Variants in MDH1B observed in about 807,000 individuals in gnomAD.
MDH1B encodes the protein malate dehydrogenase 1B.
MDH1B carries 60 observed loss-of-function variants against 61.4 expected under a neutral mutation model. The observed-to-expected ratio is 0.98, with a 90% CI of 0.79 to 1.21. The LOEUF is 1.21. Ranked by LOEUF, MDH1B falls within the 50% of genes most tolerant of loss-of-function variation. MDH1B has a pLI of 0.00. For synonymous variants in MDH1B, 236 were observed against 218.7 expected (o/e 1.08, Z -0.70); for missense variants, 587 against 632.1 (o/e 0.93, Z 0.76).
chr2:206,762,994 T>A (rs1689192190), intron 1 of MDH1B, among the ~76,000 whole-genome samples: 1 of 152,096 alleles, frequency 6.6e-6, no homozygotes, highest in Non-Finnish European at 1.5e-5. Flanking sequence ...TTTTGGCCAA[T>A]CTGCTTCATT....
At position 206,755,026 on chromosome 2, in the gene MDH1B, A is replaced by G. The variant is rs1688670875; in HGVS notation, c.893T>C (p.Leu298Pro). ...TCACTCACATGAAGGAGCTGTCTTC[A>G]GTTTTCTGGCCAGTATGGCTTTCGC... is the stretch of plus-strand genomic sequence containing the variant. ...GEAKAILARK[L>P]KTAPSYIKDV... The change falls in exon 5 of 12, where the codon CTG (leucine) becomes CCG (proline). Residue 298 changes from leucine (L) to proline (P), a missense_variant. Physicochemically the swap from Leu to Pro is moderately conservative, Grantham distance 98. Coordinates refer to ENST00000374412, the MANE Select transcript of MDH1B (RefSeq NM_001039845.3). 1 of 1,612,476 alleles carries G rather than the reference A, an allele frequency of 6.2e-7. No individual in the cohort carries two copies. Among genetic ancestry groups the G allele is most frequent in the East Asian group, 2.2e-5 (1 of 44,854 alleles).
At chr2:206,740,992 C>T (rs1687775167) in intron 10 of MDH1B, 62 bp downstream of exon 10, 9 of 1,604,534 alleles carry the variant, frequency 5.6e-6, no homozygotes, top group South Asian at 1.1e-5. Context: ...TCTCTAACAA[C>T]TGGACAATAT....
intron 2 of MDH1B, among the ~76,000 whole-genome samples, chr2:206,758,616 T>A (rs537572056): frequency 6.6e-6 from 1 of 151,798 alleles, no homozygotes; most frequent in East Asian, 2.0e-4. Context: ...AAACACAAAA[T>A]TTAGCCAGGC....
intron 2 of MDH1B, among the ~76,000 whole-genome samples, 192 bp downstream of exon 2, chr2:206,760,709 C>A (rs928029294): frequency 6.6e-6 from 1 of 152,148 alleles, no homozygotes; most frequent in African/African-American, 2.4e-5. Context: ...ATTTGTTCTA[C>A]TAGGTATTAG....
At chr2:206,765,107 T>C in intron 1 of MDH1B, 143 bp downstream of exon 1, 1 of 1,034,324 alleles carries the variant, frequency 9.7e-7, no homozygotes, top group Non-Finnish European at 1.4e-6. Flanking sequence ...TGGCGCACCG[T>C]CACGGTCCAG....
In MDH1B at chr2:206,738,473, A is replaced by G. The variant is rs757759691; in HGVS notation, c.*10T>C. ...ATCAAGTAATTATATATTTCATCCAATTTGATCTGTTAGGATTCCACGGTT... is the reference window on the plus strand; with the variant it reads ...ATCAAGTAATTATATATTTCATCCAGTTTGATCTGTTAGGATTCCACGGTT... On this transcript the variant is annotated 3_prime_UTR_variant, in exon 12 of 12. Transcript: ENST00000374412. The G allele has an allele frequency of 3.8e-6, 6 of 1,568,618 alleles. No homozygotes were observed. Among genetic ancestry groups the G allele is most frequent in the East Asian group, 4.5e-5 (2 of 44,316 alleles).
intron 2 of MDH1B, 39 bp downstream of exon 2, chr2:206,760,862 G>T: frequency 8.9e-7 from 1 of 1,129,558 alleles, no homozygotes; most frequent in Non-Finnish European, 1.3e-6. Flanking sequence ...AACACATTTT[G>T]TGCATGAGTG....
At chr2:206,753,785 G>A (rs1372644717) in intron 5 of MDH1B, among the ~76,000 whole-genome samples, 1 of 151,972 alleles carries the variant, frequency 6.6e-6, no homozygotes, top group African/African-American at 2.4e-5. Context: ...CATGCTTATT[G>A]GATTTGAGTA....
chr2:206,757,016 T>A lies in MDH1B; in HGVS notation c.295A>T (p.Met99Leu). 1 of 1,613,852 alleles carries A rather than the reference T, an allele frequency of 6.2e-7. No individual in the cohort carries two copies. The highest frequency in any genetic ancestry group is 1.1e-5 in the South Asian group (1 of 91,066). Residue 99 changes from methionine (M) to leucine (L), a missense_variant, in exon 4 of 12, where the codon ATG (methionine) becomes TTG (leucine). Physicochemically the swap from Met to Leu is conservative, Grantham distance 15 (BLOSUM62 2). Transcript: ENST00000374412. ...ATTACCATCATCAGTTCAGTCGTCA[T>A]GCTAGAGGTGACATCATAGTAAAGC... ...AQLYYDVTSSMTTELMMVIAQ... is the reference protein window; with the variant it reads ...AQLYYDVTSSLTTELMMVIAQ...
At chr2:206,740,013 A>T (rs76033968) in intron 10 of MDH1B, among the ~76,000 whole-genome samples, 5 of 152,376 alleles carry the variant, frequency 3.3e-5, no homozygotes, top group Admixed American at 1.3e-4. Context: ...AGATGAAGCC[A>T]TAAAAATGGA....
chr2:206,759,810 G>T (rs2105952890), intron 2 of MDH1B, among the ~76,000 whole-genome samples: 1 of 152,272 alleles, frequency 6.6e-6, no homozygotes, highest in Non-Finnish European at 1.5e-5. Context: ...AGTGGGCAGT[G>T]CCAACCAGAC....
At chr2:206,739,727 A>G (rs1462767235) in intron 10 of MDH1B, 66 bp from the exon 11 acceptor site, 13 of 1,409,962 alleles carry the variant, frequency 9.2e-6, no homozygotes, top group Non-Finnish European at 1.2e-5. Flanking sequence ...AGTTATTTCC[A>G]TTTTCTTCTA....
At position 206,739,575 on chromosome 2, in the gene MDH1B, G is replaced by A. The variant is rs200508911; in HGVS notation, c.1528+18C>T. 4 of 1,608,382 alleles carry A rather than the reference G, an allele frequency of 2.5e-6. No individual in the cohort carries two copies. In the East Asian group the frequency reaches 6.7e-5, roughly 27 times the overall value. ...GTAGAATAAGAAAATACTAGTTAAT[G>A]TTTTGTCTACCACCTACCATTTAGG... On this transcript the variant is annotated intron_variant, in intron 11 of 11. Coordinates refer to ENST00000374412, the MANE Select transcript of MDH1B (RefSeq NM_001039845.3).
intron 8 of MDH1B, 136 bp from the exon 9 acceptor site, chr2:206,745,809 C>T (rs1639713454): frequency 3.2e-6 from 2 of 617,728 alleles, no homozygotes; most frequent in Admixed American, 5.6e-5. Flanking sequence ...TCTCAGCTCA[C>T]CACAACCTCT....
intron 2 of MDH1B, among the ~76,000 whole-genome samples, chr2:206,758,943 G>T (rs569893773): frequency 6.6e-6 from 1 of 150,532 alleles, no homozygotes; most frequent in Non-Finnish European, 1.5e-5. Context: ...GTGGCTGTCC[G>T]TTCTAGGCCA....
rs1273460064 is a variant in MDH1B, at chr2:206,737,850, T to C, written c.*633A>G. On this transcript the variant is annotated 3_prime_UTR_variant, in exon 12 of 12. Transcript: ENST00000374412. Reference sequence around the variant, plus strand: ...ATCTAAGCTTTAAAAAAGTGTGATTTATTGTACAGACCTTTATACAAAGCA... The same window carrying C: ...ATCTAAGCTTTAAAAAAGTGTGATTCATTGTACAGACCTTTATACAAAGCA... The C allele has an allele frequency of 6.6e-6, 1 of 152,222 alleles. No homozygotes were observed. Among genetic ancestry groups the C allele is most frequent in the Non-Finnish European group, 1.5e-5 (1 of 68,038 alleles). The allele number at this position is 152,222 out of a possible 1,614,324, so 9.4% of individuals were successfully genotyped here.
intron 9 of MDH1B, among the ~76,000 whole-genome samples, chr2:206,744,949 A>AT (rs1688017817): frequency 3.4e-5 from 5 of 147,284 alleles, no homozygotes; most frequent in South Asian, 2.2e-4. Context: ...TAAATAAATA[A>AT]AATATATATA....
chr2:206,750,668 A>G (rs1403333985), intron 6 of MDH1B, among the ~76,000 whole-genome samples: 1 of 152,124 alleles, frequency 6.6e-6, no homozygotes, highest in Non-Finnish European at 1.5e-5. Flanking sequence ...TCCCTTATAC[A>G]TGCTTGCTTT....
chr2:206,738,047 T>C lies in MDH1B; in HGVS notation c.*436A>G, dbSNP rs1166205904. 1 of 153,256 alleles carries C rather than the reference T, an allele frequency of 6.5e-6. No homozygotes were observed. The highest frequency in any genetic ancestry group is 2.4e-5 in the African/African-American group (1 of 41,468). 9.5% of individuals were successfully genotyped at this position (153,256 alleles called of 1,614,324 possible). A position where few individuals can be genotyped will look rare whatever the true frequency, so the allele number is the denominator to read the frequency against. On this transcript the variant is annotated 3_prime_UTR_variant, in exon 12 of 12. Coordinates refer to ENST00000374412, the MANE Select transcript of MDH1B (RefSeq NM_001039845.3). ...GAGACAGAGAGAAAATATGATTGGT[T>C]CTCCTTGAGTGAAGTACATCTGTTT...
Sources: gnomAD v4.1 joint callset for allele counts (sites outside exome capture counted in the v4.1 genomes callset) on GRCh38, gnomAD v4.1.1 for gene constraint, MANE v1.5 for transcripts, NCBI Gene and HGNC (gene_info 2026-07-23, HGNC 2026-07-21) for gene names.